The following KIF23 variants were observed in gnomAD, a reference collection of about 807,000 sequenced individuals.
KIF23 encodes kinesin family member 23, also known as kinesin-like protein KIF23.
A neutral mutation model predicts 137.5 loss-of-function variants in KIF23; 30 were observed. That is an observed-to-expected ratio of 0.22 (90% CI 0.16 to 0.30). The LOEUF is 0.30. Among genes scored for constraint, KIF23 ranks in the 10% least tolerant of loss-of-function variants. KIF23 has a pLI of 1.00. For missense variants in KIF23, 920 were observed against 1,194.3 expected (o/e 0.77, Z 3.38); for synonymous variants, 367 against 391.1 (o/e 0.94, Z 0.73).
chr15:69,424,560 T>A lies in KIF23; in HGVS notation c.735-722T>A, dbSNP rs990286955. On this transcript the variant is annotated intron_variant, in intron 7 of 23. Coordinates refer to ENST00000679126, the MANE Select transcript of KIF23 (RefSeq NM_001367805.3). ...TTATTTTTGAGACAGGGTCTTGCTC[T>A]GCCATGTCAGCTCACTGCAGCCAAC... 3.4e-4 allele frequency among the ~76,000 whole-genome samples: 52 copies of A among 152,352 alleles called. 1 individual carries two copies. The highest frequency in any genetic ancestry group is 3.4e-3 in the Middle Eastern group (1 of 294).
chr15:69,429,645 A>T (rs2057304232), intron 11 of KIF23, among the ~76,000 whole-genome samples: 1 of 152,130 alleles, frequency 6.6e-6, no homozygotes. Context: ...TCCATTAGAT[A>T]ATTTAGAGGC....
intron 18 of KIF23, 111 bp downstream of exon 18, chr15:69,440,598 T>G (rs1383407217): frequency 8.3e-7 from 1 of 1,200,646 alleles, no homozygotes; most frequent in Non-Finnish European, 1.1e-6. Context: ...TTTCTGAAAT[T>G]TCTCTAAAAA....
At chr15:69,414,562 C>T in intron 1 of KIF23, 86 bp downstream of exon 1, 1 of 1,344,696 alleles carries the variant, frequency 7.4e-7, no homozygotes, top group Non-Finnish European at 9.8e-7. Context: ...ACTCAGGCCG[C>T]GGCCGTACGC....
At chr15:69,436,087 G>A (rs1157757448) in intron 13 of KIF23, 51 bp from the exon 14 acceptor site, 1 of 1,588,736 alleles carries the variant, frequency 6.3e-7, no homozygotes, top group African/African-American at 1.4e-5. Flanking sequence ...GTAATTTCTG[G>A]GACTTGGATA....
At chr15:69,425,254 A>G in intron 7 of KIF23, 28 bp from the exon 8 acceptor site, 1 of 1,528,840 alleles carries the variant, frequency 6.5e-7, no homozygotes, top group Non-Finnish European at 8.8e-7. Flanking sequence ...CTGTAGAAAC[A>G]GTAACTTCTA....
rs2057437895 is a variant in KIF23, at chr15:69,434,906, C to T, written c.1115-577C>T. 2.1e-5 allele frequency: 15 copies of T among 710,592 alleles called. No individual in the cohort carries two copies. In the East Asian group the frequency reaches 3.8e-4, roughly 18 times the overall value. The allele number at this position is 710,592 out of a possible 1,614,324, so 44.0% of individuals were successfully genotyped here. A position where few individuals can be genotyped will look rare whatever the true frequency, so the allele number is the denominator to read the frequency against. ...CATGCTTGCCCATCACCATGCCCAG[C>T]TCCAGCTCGTGGTGCAGGTTGCAGC... On this transcript the variant is annotated intron_variant, in intron 11 of 23. Coordinates refer to ENST00000679126, the MANE Select transcript of KIF23 (RefSeq NM_001367805.3).
chr15:69,446,569 T>C (rs2057744579), intron 22 of KIF23: 1 of 622,586 alleles, frequency 1.6e-6, no homozygotes, highest in Admixed American at 2.9e-5. Context: ...GGAGAATCTC[T>C]TGGAAAGAAC....
At chr15:69,445,409 C>G (rs972807847) in intron 20 of KIF23, among the ~76,000 whole-genome samples, 7 of 152,000 alleles carry the variant, frequency 4.6e-5, no homozygotes, top group Admixed American at 3.3e-4. Context: ...AAAACGAAAC[C>G]TATGTTAAAA....
At chr15:69,437,692 A>G (rs2057517137) in intron 15 of KIF23, among the ~76,000 whole-genome samples, 1 of 151,974 alleles carries the variant, frequency 6.6e-6, no homozygotes, top group African/African-American at 2.4e-5. Context: ...AACTCCTGAC[A>G]TCGTGATCCA....
chr15:69,424,933 G>C (rs2057152223), intron 7 of KIF23, among the ~76,000 whole-genome samples: 1 of 152,168 alleles, frequency 6.6e-6, no homozygotes, highest in Admixed American at 6.5e-5. Context: ...TGTTTGGTTT[G>C]TTCTAAATGA....
chr15:69,425,025 C>T (rs531632466), intron 7 of KIF23, among the ~76,000 whole-genome samples: 1 of 152,104 alleles, frequency 6.6e-6, no homozygotes, highest in Non-Finnish European at 1.5e-5. Context: ...TGCTTTGTAA[C>T]CTTTCTGGGT....
At chr15:69,441,323 A>C (rs1485876407) in intron 19 of KIF23, among the ~76,000 whole-genome samples, 1 of 152,228 alleles carries the variant, frequency 6.6e-6, no homozygotes, top group African/African-American at 2.4e-5. Context: ...GGTGCATCCC[A>C]GAGTAGTCTG....
intron 16 of KIF23, among the ~76,000 whole-genome samples, chr15:69,438,991 G>A (rs928509613): frequency 3.3e-5 from 5 of 151,752 alleles, no homozygotes; most frequent in Admixed American, 6.6e-5. Context: ...CCAGCTACTC[G>A]GAAGGCTGAG....
In KIF23 at chr15:69,440,338, A is replaced by G. The variant is rs2057585823; in HGVS notation, c.1960A>G (p.Met654Val). The change falls in exon 18 of 24, where the codon ATG (methionine) becomes GTG (valine). Residue 654 changes from methionine (M) to valine (V), a missense_variant. Met to Val is a conservative substitution (Grantham distance 21). This residue lies in a region of KIF23 where 714 missense variants were observed against 866.2 expected (regional missense o/e 0.82). Transcript: ENST00000679126. ...ERRVAAKQLE[M>V]QNKLWVKDEK... ...TAGAGTGGCAGCCAAACAGCTGGAGATGCAGAATAAACTCTGGGTTAAAGA... is the reference window on the plus strand; with the variant it reads ...TAGAGTGGCAGCCAAACAGCTGGAGGTGCAGAATAAACTCTGGGTTAAAGA... 5 of 1,613,574 alleles carry G rather than the reference A, an allele frequency of 3.1e-6. No individual in the cohort carries two copies. The highest frequency in any genetic ancestry group is 4.2e-6 in the Non-Finnish European group (5 of 1,179,896).
At chr15:69,415,046 G>C (rs2056863068) in intron 1 of KIF23, 1 of 152,312 alleles carries the variant, frequency 6.6e-6, no homozygotes, top group Non-Finnish European at 1.5e-5. Context: ...GCTGTATTTT[G>C]TGGCCGCAGA....
At chr15:69,417,707 G>A (rs779396352) in intron 3 of KIF23, among the ~76,000 whole-genome samples, 196 bp downstream of exon 3, 1 of 152,164 alleles carries the variant, frequency 6.6e-6, no homozygotes, top group Non-Finnish European at 1.5e-5. Flanking sequence ...TGGGGTTAGA[G>A]GATTGCTTTT....
chr15:69,441,306 TCAGTTTGGTGCATCCCA>T (rs2057614657), intron 19 of KIF23, among the ~76,000 whole-genome samples: 1 of 152,112 alleles, frequency 6.6e-6, no homozygotes, highest in Non-Finnish European at 1.5e-5. Flanking sequence ...TGAACACAGG[TCAGTTTGGTGCATCCCA>T]GAGTAGTCTG....
chr15:69,446,049 A>G lies in KIF23; in HGVS notation c.2714A>G (p.Gln905Arg), dbSNP rs1163678194. ...YKTRGGGQSVQFTDIETLKQE... is the reference protein window; with the variant it reads ...YKTRGGGQSVRFTDIETLKQE... ...ACAAGGGGTGGTGGACAATCTGTTCAGTTTACTGATATTGAGACTTTAAAG... is the reference window on the plus strand; with the variant it reads ...ACAAGGGGTGGTGGACAATCTGTTCGGTTTACTGATATTGAGACTTTAAAG... Residue 905 changes from glutamine (Q) to arginine (R), a missense_variant, in exon 21 of 24, where the codon CAG becomes CGG. Gln to Arg is a conservative substitution (Grantham distance 43). Around this residue, in one of 4 missense-constraint regions of KIF23, gnomAD observed 75 missense variants for 177.9 expected, o/e 0.42. Transcript: ENST00000679126. The G allele has an allele frequency of 1.9e-6, 3 of 1,613,882 alleles. No individual in the cohort carries two copies. Among genetic ancestry groups the G allele is most frequent in the Non-Finnish European group, 2.5e-6 (3 of 1,179,828 alleles).
In KIF23 at chr15:69,436,839, C is replaced by G. The variant is rs1430324966; in HGVS notation, c.1597+117C>G. 5.2e-6 allele frequency: 3 copies of G among 573,458 alleles called. No individual in the cohort carries two copies. In the African/African-American group the frequency reaches 5.8e-5, roughly 11 times the overall value. The allele number at this position is 573,458 out of a possible 1,614,324, so 35.5% of individuals were successfully genotyped here. On this transcript the variant is annotated intron_variant, in intron 15 of 23. Transcript: ENST00000679126. ...GCACAATCTCGGTTCACTGCAACCT[C>G]CGCCTCCTGGGTTCAAGCGATTCTC...
Sources: allele counts gnomAD v4.1 joint callset (sites outside exome capture counted in the v4.1 genomes callset), GRCh38; gene constraint gnomAD v4.1.1; regional missense constraint gnomAD v4.1.1; transcripts MANE v1.5; gene names NCBI Gene and HGNC (gene_info 2026-07-23, HGNC 2026-07-21).